JPT1: variants seen among roughly 807,000 people sequenced by gnomAD.
JPT1 encodes the protein Jupiter microtubule associated homolog 1.
Under a neutral mutation model 17.0 loss-of-function variants are expected in JPT1, and 5 were observed. That is an observed-to-expected ratio of 0.29 (90% CI 0.15 to 0.62). The LOEUF (loss-of-function observed/expected upper bound fraction) is 0.62. Ranked by LOEUF, JPT1 falls within the 20% of genes least tolerant of loss-of-function variation. The probability of loss-of-function intolerance (pLI) is 0.85; values close to 1 mark genes in which losing one functional copy is unlikely to be tolerated. For synonymous variants in JPT1, 71 were observed against 73.6 expected (o/e 0.96, Z 0.18); for missense variants, 158 against 188.1 (o/e 0.84, Z 0.94).
Position 75,142,134 on chromosome 17 carries a change from T to C in JPT1, c.316+4532A>G, listed in dbSNP as rs565139678. Among the ~76,000 whole-genome samples, 61 of 152,264 alleles carry C rather than the reference T, an allele frequency of 4.0e-4. 1 individual carries two copies. The highest frequency in any genetic ancestry group is 2.9e-3 in the South Asian group (14 of 4,822). ...AATTATTAATTATGTGGTAGGACTA[T>C]TGACACATTGTTGACATACTTCTCC... On this transcript the variant is annotated intron_variant, in intron 4 of 4. Transcript: ENST00000409753.
chr17:75,149,140 T>C (rs2074495097), intron 1 of JPT1: 1 of 861,880 alleles, frequency 1.2e-6, no homozygotes, highest in Non-Finnish European at 1.7e-6. Context: ...CACTTGAGCC[T>C]AGGAGTTCAA....
chr17:75,147,983 G>A (rs2074473615), intron 2 of JPT1: 1 of 267,564 alleles, frequency 3.7e-6, no homozygotes, highest in Non-Finnish European at 7.2e-6. Flanking sequence ...TCCAGCCTGG[G>A]CAACAGAATG....
intron 1 of JPT1, chr17:75,154,091 G>T: frequency 4.2e-6 from 1 of 239,378 alleles, no homozygotes; most frequent in Non-Finnish European, 7.9e-6. Flanking sequence ...GGGGCGACCA[G>T]CCCCGGCCTC....
At position 75,146,691 on chromosome 17, in the gene JPT1, AAG is replaced by A. The variant is rs1486104776; in HGVS notation, c.298-9_298-8del. The A allele has an allele frequency of 2.3e-5, 36 of 1,532,218 alleles. No individual in the cohort carries two copies. Among genetic ancestry groups the A allele is most frequent in the Non-Finnish European group, 3.0e-5 (34 of 1,129,442 alleles). The allele number at this position is 1,532,218 out of a possible 1,614,324, so 94.9% of individuals were successfully genotyped here. A position where few individuals can be genotyped will look rare whatever the true frequency, so the allele number is the denominator to read the frequency against. Reference sequence around the variant, plus strand: ...CATGAATATCACCTTCTCCCTAGAAAAGAAAAAAATTCAAAAATTTACTTCCT... The same window carrying A: ...CATGAATATCACCTTCTCCCTAGAAAAAAAAAATTCAAAAATTTACTTCCT... On this transcript the variant is annotated splice_polypyrimidine_tract_variant and splice_region_variant and intron_variant, in intron 3 of 4. Transcript: ENST00000409753.
intron 4 of JPT1, chr17:75,142,810 T>G (rs2074352161): frequency 2.2e-6 from 1 of 456,030 alleles, no homozygotes; most frequent in Non-Finnish European, 4.4e-6. Context: ...CAAACAGTAA[T>G]TAATACATAC....
In JPT1 at chr17:75,148,791, G is replaced by A. The variant is rs1457238166; in HGVS notation, c.57-120C>T. ...ATTCATCTCCCTCACCCCTACAACA[G>A]ATAGCTGCTAACAGGAAAAAAGAAT... is the stretch of plus-strand genomic sequence containing the variant. On this transcript the variant is annotated intron_variant, in intron 1 of 4. Transcript: ENST00000409753. 6.9e-6 allele frequency: 8 copies of A among 1,161,898 alleles called. No homozygotes were observed. The East Asian group carries it at 1.8e-4, about 26-fold the overall frequency. The allele number at this position is 1,161,898 out of a possible 1,614,324, so 72.0% of individuals were successfully genotyped here. A position where few individuals can be genotyped will look rare whatever the true frequency, so the allele number is the denominator to read the frequency against.
At chr17:75,148,698 T>C in intron 1 of JPT1, 27 bp from the exon 2 acceptor site, 2 of 1,611,982 alleles carry the variant, frequency 1.2e-6, no homozygotes, top group Non-Finnish European at 1.7e-6. Flanking sequence ...AACATCAACT[T>C]CAGATCATAC....
chr17:75,149,967 C>T (rs1300427984), intron 1 of JPT1, among the ~76,000 whole-genome samples: 1 of 152,174 alleles, frequency 6.6e-6, no homozygotes. Flanking sequence ...AAGCCATTTA[C>T]ATACTTGTAC....
chr17:75,144,270 T>G (rs903746270), intron 4 of JPT1, among the ~76,000 whole-genome samples: 11 of 152,046 alleles, frequency 7.2e-5, no homozygotes, highest in Non-Finnish European at 1.3e-4. Context: ...GCCTGTAATC[T>G]CAATACTTTT....
At chr17:75,154,217 C>T in intron 1 of JPT1, 125 bp downstream of exon 1, 1 of 651,184 alleles carries the variant, frequency 1.5e-6, no homozygotes, top group Non-Finnish European at 2.1e-6. Context: ...AACCCCGCCA[C>T]CCGCCCCGGC....
Position 75,154,139 on chromosome 17 carries a change from C to G in JPT1, c.56+203G>C, listed in dbSNP as rs144050624. On this transcript the variant is annotated intron_variant, in intron 1 of 4. Transcript: ENST00000409753. ...CTCCGTGGAAGGAATGAATGGAGAGCAGCAGGGACCCGGGTGGGGCCGGCG... is the reference window on the plus strand; with the variant it reads ...CTCCGTGGAAGGAATGAATGGAGAGGAGCAGGGACCCGGGTGGGGCCGGCG... The G allele has an allele frequency of 1.9e-3, 505 of 272,688 alleles. 2 individuals are homozygous for G. The South Asian group carries it at 0.021, about 12-fold the overall frequency. The allele number at this position is 272,688 out of a possible 1,614,324, so 16.9% of individuals were successfully genotyped here.
rs556337253 is a variant in JPT1 at position 75,136,071 on chromosome 17, G to C, written c.*31C>G. 1.1e-5 allele frequency: 18 copies of C among 1,613,916 alleles called. No homozygotes were observed. The highest frequency in any genetic ancestry group is 1.1e-4 in the African/African-American group (8 of 75,056). On this transcript the variant is annotated 3_prime_UTR_variant, in exon 5 of 5. Coordinates refer to ENST00000409753, the MANE Select transcript of JPT1 (RefSeq NM_016185.4). The stretch of plus-strand genomic sequence containing the variant: ...GCAGTTCACAAGCATGGAGGAAACA[G>C]ACAGAACGACAGCGTTCAGGACAGT...
At chr17:75,144,281 G>A (rs1317853657) in intron 4 of JPT1, among the ~76,000 whole-genome samples, 2 of 152,040 alleles carry the variant, frequency 1.3e-5, no homozygotes, top group Admixed American at 6.6e-5. Context: ...CAATACTTTT[G>A]GAGGCTGAGG....
chr17:75,137,539 T>A (rs558586450), intron 4 of JPT1, among the ~76,000 whole-genome samples: 15 of 151,754 alleles, frequency 9.9e-5, no homozygotes, highest in South Asian at 2.1e-4. Flanking sequence ...TTTTTTTTTT[T>A]TTTTTATTTT....
chr17:75,138,800 T>A (rs2074255842), intron 4 of JPT1, among the ~76,000 whole-genome samples: 1 of 152,240 alleles, frequency 6.6e-6, no homozygotes, highest in South Asian at 2.1e-4. Flanking sequence ...GGCTGCAGTA[T>A]TTCTCATTGG....
chr17:75,139,511 A>G (rs1390022996), intron 4 of JPT1, among the ~76,000 whole-genome samples: 1 of 152,126 alleles, frequency 6.6e-6, no homozygotes, highest in East Asian at 1.9e-4. Flanking sequence ...AACAAGCAGC[A>G]GTAGGCCTTA....
chr17:75,139,636 C>A (rs1230354105), intron 4 of JPT1, among the ~76,000 whole-genome samples: 1 of 152,024 alleles, frequency 6.6e-6, no homozygotes, highest in African/African-American at 2.4e-5. Flanking sequence ...GCTTGGCCAA[C>A]ATGGTGAAAC....
Position 75,146,585 on chromosome 17 carries a change from C to G in JPT1, c.316+81G>C. ...GGTTTCACTCCCCAGTCTCTTTCCC[C>G]AAGACATGATTTAAATCAAGATTCA... On this transcript the variant is annotated intron_variant, in intron 4 of 4. Coordinates refer to ENST00000409753, the MANE Select transcript of JPT1 (RefSeq NM_016185.4). The G allele has an allele frequency of 2.7e-6, 3 of 1,124,654 alleles. No homozygotes were observed. The South Asian group carries it at 4.3e-5, about 16-fold the overall frequency. 69.7% of individuals were successfully genotyped at this position (1,124,654 alleles called of 1,614,324 possible).
At chr17:75,145,428 CAATA>C (rs1351401440) in intron 4 of JPT1, 1 of 152,132 alleles carries the variant, frequency 6.6e-6, no homozygotes, top group Non-Finnish European at 1.5e-5. Flanking sequence ...ACAGAAATGC[CAATA>C]AATACCTCCA....
Sources: allele counts gnomAD v4.1 joint callset (sites outside exome capture counted in the v4.1 genomes callset), GRCh38; gene constraint gnomAD v4.1.1; transcripts MANE v1.5; gene names NCBI Gene and HGNC (gene_info 2026-07-23, HGNC 2026-07-21).